The following TENM4 variants were observed in gnomAD, a reference collection of about 807,000 sequenced individuals.
The protein encoded by TENM4 is teneurin-4.
TENM4 carries 82 observed loss-of-function variants against 243.3 expected under a neutral mutation model. That is an observed-to-expected ratio of 0.34 (90% CI 0.28 to 0.40). TENM4 has a LOEUF of 0.40. TENM4 is among the 10% of genes least tolerant of loss of function. TENM4 has a pLI of 1.00. For synonymous variants in TENM4, 1,412 were observed against 1,456.3 expected (o/e 0.97, Z 0.69); for missense variants, 3,138 against 3,673.3 (o/e 0.85, Z 3.77).
chr11:79,320,216 A>G (rs1856865590), intron 1 of TENM4, among the ~76,000 whole-genome samples: 2 of 152,150 alleles, frequency 1.3e-5, no homozygotes, highest in African/African-American at 4.8e-5. Flanking sequence ...AGTTTCGGTC[A>G]CCCACTTAAC....
chr11:79,350,306 C>G (rs1375561214), intron 1 of TENM4, among the ~76,000 whole-genome samples: 3 of 152,210 alleles, frequency 2.0e-5, no homozygotes, highest in Non-Finnish European at 4.4e-5. Flanking sequence ...TCACCTTTGT[C>G]TTTCCCACCC....
At chr11:78,893,877 G>C (rs1295857194) in intron 7 of TENM4, among the ~76,000 whole-genome samples, 4 of 151,890 alleles carry the variant, frequency 2.6e-5, no homozygotes, top group Non-Finnish European at 4.4e-5. Flanking sequence ...TGATTAGGAA[G>C]TGATAAACAC....
Position 78,856,009 on chromosome 11 carries a change from C to T in TENM4, c.1425G>A (p.Leu475=). The change falls in exon 11 of 34, where the codon CTG becomes CTA. Residue 475 remains leucine, a synonymous_variant. Coordinates refer to ENST00000278550, the MANE Select transcript of TENM4 (RefSeq NM_001098816.3). The part of the protein sequence containing the change: ...KFNVSLGKAA[L]VGIYGRKGLP... Reference sequence around the variant, plus strand: ...GGCCTTTTCTGCCATAAATGCCAACCAGGGCTGCCTTTCCCAGAGACACAT... The same window carrying T: ...GGCCTTTTCTGCCATAAATGCCAACTAGGGCTGCCTTTCCCAGAGACACAT... The T allele has an allele frequency of 6.4e-7, 1 of 1,551,708 alleles. No homozygotes were observed. Among genetic ancestry groups the T allele is most frequent in the Admixed American group, 2.0e-5 (1 of 50,994 alleles).
chr11:78,753,919 T>A (rs1856247890), intron 19 of TENM4, among the ~76,000 whole-genome samples: 1 of 152,242 alleles, frequency 6.6e-6, no homozygotes, highest in African/African-American at 2.4e-5. Flanking sequence ...TCTGCTTCTG[T>A]GACTAATCTG....
At chr11:78,735,940 TTC>T (rs751413657) in intron 20 of TENM4, among the ~76,000 whole-genome samples, 14 of 150,704 alleles carry the variant, frequency 9.3e-5, no homozygotes, top group Admixed American at 4.0e-4. Flanking sequence ...CTTTCTTTCT[TTC>T]TCTCTCTCTT....
intron 1 of TENM4, among the ~76,000 whole-genome samples, chr11:79,425,145 C>T (rs1190899018): frequency 3.9e-5 from 6 of 152,126 alleles, no homozygotes; most frequent in African/African-American, 7.2e-5. Context: ...CAGCTCACTC[C>T]GCAGGCCCTT....
At chr11:79,114,008 C>A (rs1399641867) in intron 4 of TENM4, among the ~76,000 whole-genome samples, 2 of 152,104 alleles carry the variant, frequency 1.3e-5, no homozygotes, top group Admixed American at 6.5e-5. Flanking sequence ...GTTTCAGCTC[C>A]CAAACGATCT....
intron 6 of TENM4, among the ~76,000 whole-genome samples, chr11:78,994,045 C>T (rs751002053): frequency 6.6e-6 from 1 of 152,164 alleles, no homozygotes; most frequent in Non-Finnish European, 1.5e-5. Flanking sequence ...CATTTCAAGG[C>T]TTATTTTAAT....
intron 1 of TENM4, among the ~76,000 whole-genome samples, chr11:79,301,023 C>A (rs144147298): frequency 6.6e-6 from 1 of 152,148 alleles, no homozygotes; most frequent in African/African-American, 2.4e-5. Flanking sequence ...GCTCCTTTCC[C>A]TCCCTCTCCA....
At chr11:79,296,570 A>G (rs746255013) in intron 2 of TENM4, among the ~76,000 whole-genome samples, 14 of 152,238 alleles carry the variant, frequency 9.2e-5, no homozygotes, top group Non-Finnish European at 1.8e-4. Flanking sequence ...TCTCCCCAAC[A>G]TGATACTCAC....
At chr11:78,966,446 CA>C (rs1857439094) in intron 6 of TENM4, among the ~76,000 whole-genome samples, 1 of 152,094 alleles carries the variant, frequency 6.6e-6, no homozygotes, top group Non-Finnish European at 1.5e-5. Context: ...TTTCATTCCA[CA>C]AACATTTCCT....
At chr11:79,094,218 G>A (rs1348671528) in intron 4 of TENM4, among the ~76,000 whole-genome samples, 8 of 152,164 alleles carry the variant, frequency 5.3e-5, no homozygotes, top group African/African-American at 1.9e-4. Flanking sequence ...GTATTTGGAT[G>A]GAGTAAGGAA....
chr11:79,438,138 T>A lies in TENM4; in HGVS notation c.-321+2371A>T, dbSNP rs1014346105. Among the ~76,000 whole-genome samples, 3 of 151,948 alleles carry A rather than the reference T, an allele frequency of 2.0e-5. No homozygotes were observed. The highest frequency in any genetic ancestry group is 2.0e-4 in the Admixed American group (3 of 15,260). On this transcript the variant is annotated intron_variant, in intron 1 of 33. Transcript: ENST00000278550. The surrounding 1 kb of genome is among the most constrained non-coding windows in gnomAD (Gnocchi z 4.1). ...ACAAAACACTCCCCACCCATGCACA[T>A]CACCATCTCCTGACTGCGGGCTGGG...
At chr11:78,738,765 C>A (rs1336036145) in intron 19 of TENM4, among the ~76,000 whole-genome samples, 195 bp from the exon 20 acceptor site, 2 of 152,168 alleles carry the variant, frequency 1.3e-5, no homozygotes, top group Non-Finnish European at 2.9e-5. Flanking sequence ...ATCAAAGTGT[C>A]CTTGAGAGAA....
chr11:79,230,988 G>C (rs1490382131), intron 2 of TENM4, among the ~76,000 whole-genome samples: 1 of 152,158 alleles, frequency 6.6e-6, no homozygotes, highest in Admixed American at 6.5e-5. Context: ...CTGGGGTTGG[G>C]GAAAAGGTAT....
intron 1 of TENM4, among the ~76,000 whole-genome samples, chr11:79,365,655 G>T (rs895430603): frequency 1.3e-5 from 2 of 152,158 alleles, no homozygotes; most frequent in Non-Finnish European, 2.9e-5. Context: ...GCAGTGGGGA[G>T]ACAGGCATTA....
intron 17 of TENM4, among the ~76,000 whole-genome samples, chr11:78,777,277 G>A (rs1443575364): frequency 2.0e-5 from 3 of 152,176 alleles, no homozygotes; most frequent in Admixed American, 6.5e-5. Context: ...CATGAAATAT[G>A]AAGACCCTTG....
At chr11:78,766,755 C>T (rs546930334) in intron 18 of TENM4, among the ~76,000 whole-genome samples, 19 of 147,522 alleles carry the variant, frequency 1.3e-4, no homozygotes, top group African/African-American at 4.8e-4. Context: ...CTGGCTGGAG[C>T]GCAGAGGCAC....
chr11:79,041,156 C>G (rs530189403), intron 6 of TENM4, among the ~76,000 whole-genome samples: 1 of 151,978 alleles, frequency 6.6e-6, no homozygotes, highest in African/African-American at 2.4e-5. Context: ...CTCCGCCTCC[C>G]GGGTTCAAGT....
Sources: gnomAD v4.1 joint callset for allele counts (sites outside exome capture counted in the v4.1 genomes callset) on GRCh38, gnomAD v4.1.1 for gene constraint, Gnocchi (gnomAD v3.1) non-coding constraint, MANE v1.5 for transcripts, NCBI Gene and HGNC (gene_info 2026-07-23, HGNC 2026-07-21) for gene names.